The following ANKS1B variants were observed in gnomAD, a reference collection of about 807,000 sequenced individuals.
The protein encoded by ANKS1B is ankyrin repeat and sterile alpha motif domain containing 1B, also known as ankyrin repeat and sterile alpha motif domain-containing protein 1B.
ANKS1B carries 36 observed loss-of-function variants against 148.3 expected under a neutral mutation model. The ratio of observed to expected loss-of-function variants is 0.24; its 90% CI spans 0.19 to 0.32. The LOEUF is 0.32. Among genes scored for constraint, ANKS1B ranks in the 10% least tolerant of loss-of-function variants. The pLI, the probability that ANKS1B is intolerant of heterozygous loss-of-function variation, is 1.00. For missense variants in ANKS1B, 1,157 were observed against 1,542.6 expected (o/e 0.75, Z 4.19); for synonymous variants, 542 against 560.8 (o/e 0.97, Z 0.47).
chr12:98,928,850 C>T (rs572373771), intron 17 of ANKS1B, among the ~76,000 whole-genome samples: 26 of 151,940 alleles, frequency 1.7e-4, no homozygotes, highest in Admixed American at 9.9e-4. Context: ...TACTTAATGG[C>T]GAAAGACCAG....
At chr12:99,257,339 C>T (rs1055760412) in intron 12 of ANKS1B, among the ~76,000 whole-genome samples, 1 of 152,102 alleles carries the variant, frequency 6.6e-6, no homozygotes, top group Non-Finnish European at 1.5e-5. Flanking sequence ...AATTTTCTGC[C>T]TCTTTGCCCC....
At chr12:99,590,243 C>A (rs2097686931) in intron 9 of ANKS1B, among the ~76,000 whole-genome samples, 1 of 129,526 alleles carries the variant, frequency 7.7e-6, no homozygotes, top group Non-Finnish European at 1.6e-5. Context: ...AACATTCACT[C>A]ACACCCACAC....
intron 8 of ANKS1B, among the ~76,000 whole-genome samples, chr12:99,688,674 A>G: frequency 6.6e-6 from 1 of 152,006 alleles, no homozygotes; most frequent in East Asian, 1.9e-4. Context: ...TGGTCTCTAG[A>G]AAAAAACATA....
At chr12:98,921,095 T>G (rs1419191349) in intron 17 of ANKS1B, among the ~76,000 whole-genome samples, 2 of 152,220 alleles carry the variant, frequency 1.3e-5, no homozygotes, top group African/African-American at 4.8e-5. Flanking sequence ...TTCTTTTCCC[T>G]GTCATCCTTT....
At chr12:99,416,217 A>G (rs534165030) in intron 11 of ANKS1B, among the ~76,000 whole-genome samples, 1 of 152,176 alleles carries the variant, frequency 6.6e-6, no homozygotes, top group Non-Finnish European at 1.5e-5. Flanking sequence ...TTATTGCTGG[A>G]TAGTATTCAA....
At chr12:98,867,117 G>A (rs2099628576) in intron 17 of ANKS1B, among the ~76,000 whole-genome samples, 1 of 152,182 alleles carries the variant, frequency 6.6e-6, no homozygotes, top group Admixed American at 6.5e-5. Flanking sequence ...ATTTCTTATG[G>A]AAGCAGAATC....
At chr12:99,413,462 C>G (rs1166611648) in intron 11 of ANKS1B, among the ~76,000 whole-genome samples, 1 of 152,142 alleles carries the variant, frequency 6.6e-6, no homozygotes, top group Non-Finnish European at 1.5e-5. Context: ...TATCAACGCA[C>G]AATTTTCCTA....
chr12:99,371,414 C>T (rs547441164), intron 12 of ANKS1B, among the ~76,000 whole-genome samples: 25 of 152,048 alleles, frequency 1.6e-4, no homozygotes, highest in Admixed American at 8.5e-4. Context: ...TCTCTGTAAA[C>T]GCACAATTTA....
rs560266201 is a variant in ANKS1B at position 99,969,759 on chromosome 12, G to T, written c.134+14345C>A. Among the ~76,000 whole-genome samples the T allele has an allele frequency of 2.0e-5, 3 of 152,250 alleles. No individual in the cohort carries two copies. In the East Asian group the frequency reaches 5.8e-4, roughly 29 times the overall value. ...ATATTCATATTTTAACATAAGATAT[G>T]CATTGATCCCTATGGCACTAGGAAG... is the stretch of plus-strand genomic sequence containing the variant. On this transcript the variant is annotated intron_variant, in intron 1 of 26. Transcript: ENST00000683438.
At chr12:99,457,820 A>T (rs905789503) in intron 10 of ANKS1B, among the ~76,000 whole-genome samples, 2 of 152,160 alleles carry the variant, frequency 1.3e-5, no homozygotes, top group African/African-American at 4.8e-5. Flanking sequence ...ACAGCAACAC[A>T]ATAATAGTCG....
intron 8 of ANKS1B, among the ~76,000 whole-genome samples, chr12:99,765,721 C>G (rs1260095640): frequency 1.3e-5 from 2 of 152,140 alleles, no homozygotes; most frequent in African/African-American, 4.8e-5. Context: ...GAAATCCCCT[C>G]TACGTTGACA....
In ANKS1B at chr12:99,812,558, C is replaced by G. The variant is rs61940295; in HGVS notation, c.216-247G>C. The stretch of plus-strand genomic sequence containing the variant: ...ACACACACACACACACACACACACA[C>G]AGAGAGAGAGAGAGAGAGAAAGAGA... On this transcript the variant is annotated intron_variant, in intron 2 of 26. Transcript: ENST00000683438. 0.045 allele frequency among the ~76,000 whole-genome samples: 3,322 copies of G among 73,368 alleles called. 46 individuals are homozygous for G. The highest frequency in any genetic ancestry group is 0.066 in the Non-Finnish European group (2,323 of 35,354). 48.1% of individuals were successfully genotyped at this position (73,368 alleles called of 152,430 possible). A position where few individuals can be genotyped will look rare whatever the true frequency, so the allele number is the denominator to read the frequency against.
chr12:99,516,756 T>TA lies in ANKS1B; in HGVS notation c.1273-12116dup, dbSNP rs374852268. 3.2e-3 allele frequency among the ~76,000 whole-genome samples: 483 copies of TA among 149,640 alleles called. 5 individuals carry two copies. The highest frequency in any genetic ancestry group is 9.8e-3 in the African/African-American group (401 of 40,874). ...CCTGGAATTTAAAATAAAATTAATT[T>TA]AAAAAAAAAAGACTGTTTTTTTCCC... On this transcript the variant is annotated intron_variant, in intron 9 of 26. Coordinates refer to ENST00000683438, the MANE Select transcript of ANKS1B (RefSeq NM_001352186.2).
At chr12:99,948,629 A>G (rs988135501) in intron 1 of ANKS1B, among the ~76,000 whole-genome samples, 1 of 152,202 alleles carries the variant, frequency 6.6e-6, no homozygotes, top group Non-Finnish European at 1.5e-5. Flanking sequence ...CTGACTCAAT[A>G]TAAACATATG....
chr12:98,922,651 A>G (rs2099803016), intron 17 of ANKS1B, among the ~76,000 whole-genome samples: 1 of 152,018 alleles, frequency 6.6e-6, no homozygotes, highest in African/African-American at 2.4e-5. Flanking sequence ...GGCATGCACC[A>G]CCACGCCTGG....
intron 24 of ANKS1B, among the ~76,000 whole-genome samples, chr12:98,774,731 C>G (rs1233101736): frequency 6.6e-6 from 1 of 152,144 alleles, no homozygotes; most frequent in East Asian, 1.9e-4. Context: ...TGCCAGCACC[C>G]CCAGCAAGTA....
At chr12:99,594,885 T>TAA (rs67341844) in intron 9 of ANKS1B, among the ~76,000 whole-genome samples, 1 of 151,194 alleles carries the variant, frequency 6.6e-6, no homozygotes. Context: ...CTTACTATAA[T>TAA]AAAAAAAAAT....
intron 8 of ANKS1B, among the ~76,000 whole-genome samples, chr12:99,772,090 TC>T (rs2063248791): frequency 6.6e-6 from 1 of 152,110 alleles, no homozygotes; most frequent in Non-Finnish European, 1.5e-5. Context: ...ATACTATAAG[TC>T]CTTCCTCTAC....
chr12:98,753,444 T>C (rs2098145666), intron 25 of ANKS1B, among the ~76,000 whole-genome samples: 1 of 148,614 alleles, frequency 6.7e-6, no homozygotes, highest in Non-Finnish European at 1.5e-5. Flanking sequence ...CTTTTTTTTT[T>C]GAGACAGAGT....
Sources: allele counts gnomAD v4.1 joint callset (sites outside exome capture counted in the v4.1 genomes callset), GRCh38; gene constraint gnomAD v4.1.1; transcripts MANE v1.5; gene names NCBI Gene and HGNC (gene_info 2026-07-23, HGNC 2026-07-21).